The following CCDC148 variants were observed in gnomAD, a reference collection of about 807,000 sequenced individuals.
CCDC148 encodes coiled-coil domain-containing protein 148.
Under a neutral mutation model 85.7 loss-of-function variants are expected in CCDC148, and 89 were observed. The ratio of observed to expected loss-of-function variants is 1.04; its 90% CI spans 0.87 to 1.24. CCDC148 has a LOEUF of 1.24. CCDC148 is among the 50% of genes most tolerant of loss of function. The pLI is 0.00. For missense variants in CCDC148, 692 were observed against 671.7 expected (o/e 1.03, Z -0.33); for synonymous variants, 230 against 213.9 (o/e 1.08, Z -0.66).
chr2:158,450,243 C>T (rs1236707864), intron 1 of CCDC148, among the ~76,000 whole-genome samples: 4 of 152,158 alleles, frequency 2.6e-5, no homozygotes, highest in South Asian at 2.1e-4. Flanking sequence ...TCTACCTCTA[C>T]GAAGCAGACA....
intron 10 of CCDC148, among the ~76,000 whole-genome samples, chr2:158,225,021 G>C: frequency 6.6e-6 from 1 of 152,170 alleles, no homozygotes; most frequent in Non-Finnish European, 1.5e-5. Flanking sequence ...ATTGGATAAA[G>C]AGTGAAGACC....
chr2:158,286,704 T>C (rs1574551070), intron 9 of CCDC148, among the ~76,000 whole-genome samples: 2 of 152,278 alleles, frequency 1.3e-5, no homozygotes, highest in South Asian at 2.1e-4. Context: ...CACTTGCCTA[T>C]GGCACAGACG....
intron 2 of CCDC148, among the ~76,000 whole-genome samples, chr2:158,356,281 G>A (rs200139228): frequency 0.14 from 19,832 of 141,160 alleles, 1,704 homozygotes; most frequent in Non-Finnish European, 0.2. Context: ...ACTACCATCA[G>A]AGTGAACAGG....
chr2:158,396,758 C>A (rs1445146324), intron 1 of CCDC148, among the ~76,000 whole-genome samples: 1 of 151,922 alleles, frequency 6.6e-6, no homozygotes, highest in Non-Finnish European at 1.5e-5. Context: ...TAAAAAGGGG[C>A]AAAAATGTTA....
chr2:158,453,343 G>A (rs1559155452), intron 1 of CCDC148, among the ~76,000 whole-genome samples: 1 of 152,174 alleles, frequency 6.6e-6, no homozygotes, highest in Non-Finnish European at 1.5e-5. Flanking sequence ...ATTAGGCAGA[G>A]CCATGGGAGG....
chr2:158,232,805 G>T (rs1417241705), intron 10 of CCDC148, among the ~76,000 whole-genome samples: 2 of 152,196 alleles, frequency 1.3e-5, no homozygotes, highest in Non-Finnish European at 2.9e-5. Context: ...TAATTAGATA[G>T]TTCCTTGCAT....
At position 158,456,458 on chromosome 2, in the gene CCDC148, T is replaced by C. The variant is rs1203532464; in HGVS notation, c.-19A>G. The C allele has an allele frequency of 1.2e-6, 2 of 1,608,846 alleles. No individual in the cohort carries two copies. The highest frequency in any genetic ancestry group is 2.2e-5 in the East Asian group (1 of 44,820). Reference sequence around the variant, plus strand: ...CACACATGTCAAAGGTCAAAGGGCATAGCCTCAGGGACTCCCCAAACGCAG... The same window carrying C: ...CACACATGTCAAAGGTCAAAGGGCACAGCCTCAGGGACTCCCCAAACGCAG... On this transcript the variant is annotated 5_prime_UTR_variant, in exon 1 of 14. An upstream start codon of the reference 5' UTR is lost. Transcript: ENST00000283233.
chr2:158,368,890 GTTTTT>G, intron 1 of CCDC148, among the ~76,000 whole-genome samples: 1 of 151,800 alleles, frequency 6.6e-6, no homozygotes, highest in East Asian at 1.9e-4. Flanking sequence ...TAAGGAGGCA[GTTTTT>G]TTTAACACTG....
intron 9 of CCDC148, among the ~76,000 whole-genome samples, chr2:158,284,575 A>G (rs544976724): frequency 6.6e-6 from 1 of 152,180 alleles, no homozygotes; most frequent in African/African-American, 2.4e-5. Context: ...CTGAGTGAAA[A>G]ACTGCAGCAG....
chr2:158,453,963 TC>T (rs1688504395), intron 1 of CCDC148, among the ~76,000 whole-genome samples: 1 of 152,186 alleles, frequency 6.6e-6, no homozygotes, highest in Admixed American at 6.5e-5. Context: ...GTTTAAATCA[TC>T]CTCTTCTCAA....
intron 3 of CCDC148, among the ~76,000 whole-genome samples, chr2:158,344,711 T>C (rs1041345466): frequency 6.6e-6 from 1 of 152,056 alleles, no homozygotes; most frequent in Admixed American, 6.5e-5. Context: ...AAAAGCAAAA[T>C]TGAGTAAGTT....
At chr2:158,401,888 C>T (rs1386772414) in intron 1 of CCDC148, among the ~76,000 whole-genome samples, 2 of 151,906 alleles carry the variant, frequency 1.3e-5, no homozygotes, top group African/African-American at 4.8e-5. Flanking sequence ...CAGAGCAGAG[C>T]AGCCCAGACC....
At chr2:158,382,958 T>C (rs947631613) in intron 1 of CCDC148, among the ~76,000 whole-genome samples, 1 of 151,370 alleles carries the variant, frequency 6.6e-6, no homozygotes, top group Non-Finnish European at 1.5e-5. Context: ...AACAAAAATC[T>C]GAATATTTCA....
intron 9 of CCDC148, among the ~76,000 whole-genome samples, chr2:158,280,703 C>A (rs1206605432): frequency 2.0e-5 from 3 of 152,268 alleles, no homozygotes; most frequent in East Asian, 3.9e-4. Flanking sequence ...CCACTGTCAA[C>A]ATTAGACAGA....
intron 1 of CCDC148, among the ~76,000 whole-genome samples, chr2:158,388,412 G>T (rs1685176607): frequency 6.6e-6 from 1 of 152,166 alleles, no homozygotes; most frequent in Non-Finnish European, 1.5e-5. Context: ...GCTAGAGTGT[G>T]GGATTCCAAA....
At chr2:158,360,567 C>A (rs1004628761) in intron 1 of CCDC148, among the ~76,000 whole-genome samples, 2 of 152,148 alleles carry the variant, frequency 1.3e-5, no homozygotes, top group South Asian at 2.1e-4. Flanking sequence ...CTCTAGCAGA[C>A]CTGCAGCAGA....
rs34660144 is a variant in CCDC148, at chr2:158,207,954, GACACACACACACAC to G, written c.1370+12627_1370+12640del. On this transcript the variant is annotated intron_variant, in intron 11 of 13. Coordinates refer to ENST00000283233, the MANE Select transcript of CCDC148 (RefSeq NM_138803.4). ...TACAGAAAGGTGTTCATTTTGATCTGACACACACACACACACACACACACACACACACTTTCTGT... is the reference window on the plus strand; with the variant it reads ...TACAGAAAGGTGTTCATTTTGATCTGACACACACACACACACACTTTCTGT... 7.3e-3 allele frequency among the ~76,000 whole-genome samples: 1,093 copies of G among 149,090 alleles called. 16 individuals are homozygous for G. The highest frequency in any genetic ancestry group is 0.025 in the African/African-American group (1,016 of 40,770).
intron 1 of CCDC148, among the ~76,000 whole-genome samples, chr2:158,392,100 GTCATCAGGTTCTT>G (rs1413619718): frequency 1.3e-5 from 2 of 152,058 alleles, no homozygotes; most frequent in Non-Finnish European, 2.9e-5. Flanking sequence ...CTGCATCTGA[GTCATCAGGTTCTT>G]TCATCTTGGT....
At chr2:158,447,624 T>C (rs534382002) in intron 1 of CCDC148, among the ~76,000 whole-genome samples, 1 of 152,354 alleles carries the variant, frequency 6.6e-6, no homozygotes, top group African/African-American at 2.4e-5. Flanking sequence ...ACTGGTATCG[T>C]ATTGTGGTTG....
Sources: allele counts gnomAD v4.1 joint callset (sites outside exome capture counted in the v4.1 genomes callset), GRCh38; gene constraint gnomAD v4.1.1; transcripts MANE v1.5; gene names NCBI Gene and HGNC (gene_info 2026-07-23, HGNC 2026-07-21).